PCDH9: variants seen among roughly 807,000 people sequenced by gnomAD.
PCDH9 encodes protocadherin 9, also known as protocadherin-9.
A neutral mutation model predicts 70.6 loss-of-function variants in PCDH9; 24 were observed. The observed-to-expected ratio is 0.34, with a 90% confidence interval of 0.25 to 0.48. PCDH9 has a LOEUF of 0.48. Ranked by LOEUF, PCDH9 falls within the 20% of genes least tolerant of loss-of-function variation. PCDH9 has a pLI of 0.99. For synonymous variants in PCDH9, 562 were observed against 558.5 expected, an observed-to-expected ratio of 1.01 and a Z score of -0.09; for missense variants, 1,281 against 1,503.6, an observed-to-expected ratio of 0.85 and a Z score of 2.45.
intron 3 of PCDH9, among the ~76,000 whole-genome samples, chr13:66,816,210 T>C (rs970506799): frequency 4.6e-5 from 7 of 152,232 alleles, no homozygotes; most frequent in African/African-American, 1.4e-4. Flanking sequence ...AGAAATTAAC[T>C]ATTCCAAATA....
intron 4 of PCDH9, among the ~76,000 whole-genome samples, chr13:66,426,091 T>C (rs1463560978): frequency 6.6e-6 from 1 of 151,674 alleles, no homozygotes; most frequent in Admixed American, 6.6e-5. Flanking sequence ...GGTAGGAGTA[T>C]AGTTTCTTCA....
chr13:66,466,937 A>G (rs1333353845), intron 4 of PCDH9, among the ~76,000 whole-genome samples: 1 of 152,084 alleles, frequency 6.6e-6, no homozygotes, highest in Non-Finnish European at 1.5e-5. Flanking sequence ...TGCTGTTGAG[A>G]TGACTTAAGA....
chr13:67,090,876 T>C (rs1262015596), intron 2 of PCDH9, among the ~76,000 whole-genome samples: 1 of 152,070 alleles, frequency 6.6e-6, no homozygotes, highest in African/African-American at 2.4e-5. Context: ...ACAGTTTAAA[T>C]GACTTCATCT....
At chr13:66,779,849 C>CTCTCTCTCTATATA (rs1395244975) in intron 3 of PCDH9, among the ~76,000 whole-genome samples, 29 of 78,900 alleles carry the variant, frequency 3.7e-4, no homozygotes, top group African/African-American at 1.4e-3. Flanking sequence ...CTCTCTCTCT[C>CTCTCTCTCTATATA]TATATATATA....
chr13:67,060,660 G>A (rs927586578), intron 2 of PCDH9, among the ~76,000 whole-genome samples: 2 of 151,790 alleles, frequency 1.3e-5, no homozygotes, highest in Non-Finnish European at 2.9e-5. Flanking sequence ...CAGCTTTTTA[G>A]CTTTCATTTC....
At chr13:66,626,102 G>A (rs938999416) in intron 4 of PCDH9, among the ~76,000 whole-genome samples, 1 of 152,122 alleles carries the variant, frequency 6.6e-6, no homozygotes, top group African/African-American at 2.4e-5. Context: ...GAAAATAGAG[G>A]AGTTGTGCTT....
Position 67,140,025 on chromosome 13 carries a change from A to ACC in PCDH9, c.3036+85378_3036+85379dup, listed in dbSNP as rs34514187. ...CTACTGAAAATGTGATTTTTTGATC[A>ACC]CCCCCCCCCCCCCGCCCATTGTGTT... On this transcript the variant is annotated intron_variant, in intron 2 of 4. Coordinates refer to ENST00000377865, the MANE Select transcript of PCDH9 (RefSeq NM_203487.3). Among the ~76,000 whole-genome samples, 471 of 65,920 alleles carry ACC rather than the reference A, an allele frequency of 7.1e-3. 16 individuals carry two copies. Among genetic ancestry groups the ACC allele is most frequent in the South Asian group, 0.013 (15 of 1,192 alleles). 43.2% of individuals were successfully genotyped at this position (65,920 alleles called of 152,430 possible). A position where few individuals can be genotyped will look rare whatever the true frequency, so the allele number is the denominator to read the frequency against.
chr13:67,042,394 G>T (rs1212120638), intron 2 of PCDH9, among the ~76,000 whole-genome samples: 2 of 152,152 alleles, frequency 1.3e-5, no homozygotes, highest in African/African-American at 4.8e-5. Flanking sequence ...GCAGGAAGGA[G>T]AAGTGCCGAG....
chr13:67,227,260 T>C lies in PCDH9; in HGVS notation c.1181A>G (p.Asp394Gly). 6 of 1,613,522 alleles carry C rather than the reference T, an allele frequency of 3.7e-6. No homozygotes were observed. The highest frequency in any genetic ancestry group is 3.3e-4 in the Middle Eastern group (2 of 6,062). ...ALITVSDKDT[D>G]VNGKVICFIE... is the part of the protein sequence containing the mutation. ...AAAACAGATCACTTTGCCATTCACA[T>C]CTGTGTCCTTATCTGAAACTGTAAT... is the stretch of plus-strand genomic sequence containing the variant. Residue 394 changes from aspartate to glycine, a missense_variant, in exon 2 of 5, where the codon GAT becomes GGT. Transcript: ENST00000377865. The surrounding 1 kb of genome is among the most constrained non-coding windows in gnomAD (Gnocchi z 4.6).
chr13:66,422,840 C>T (rs554279152), intron 4 of PCDH9, among the ~76,000 whole-genome samples: 1 of 151,892 alleles, frequency 6.6e-6, no homozygotes, highest in South Asian at 2.1e-4. Context: ...ACACGAAAAA[C>T]CCTTAAAAAA....
chr13:66,733,949 TC>T (rs2079110178), intron 3 of PCDH9, among the ~76,000 whole-genome samples: 1 of 152,092 alleles, frequency 6.6e-6, no homozygotes. Context: ...CCCGGAGAGG[TC>T]TGGCCTTTTC....
At chr13:67,087,367 ATCT>A (rs998134708) in intron 2 of PCDH9, among the ~76,000 whole-genome samples, 1 of 152,104 alleles carries the variant, frequency 6.6e-6, no homozygotes, top group Non-Finnish European at 1.5e-5. Flanking sequence ...ACAAGAATAA[ATCT>A]TCTTAGTACC....
intron 4 of PCDH9, among the ~76,000 whole-genome samples, chr13:66,446,824 C>A (rs968004246): frequency 6.6e-6 from 1 of 151,998 alleles, no homozygotes; most frequent in African/African-American, 2.4e-5. Flanking sequence ...TTTATTCTAA[C>A]GTCCAGTCAT....
chr13:66,320,710 C>G (rs1437399997), intron 4 of PCDH9, among the ~76,000 whole-genome samples: 2 of 151,854 alleles, frequency 1.3e-5, no homozygotes, highest in Non-Finnish European at 2.9e-5. Context: ...TATGTATCTA[C>G]CTATTTATTC....
At chr13:66,528,917 A>G (rs1960324617) in intron 4 of PCDH9, among the ~76,000 whole-genome samples, 1 of 152,092 alleles carries the variant, frequency 6.6e-6, no homozygotes, top group Non-Finnish European at 1.5e-5. Context: ...TCATTACTCA[A>G]TTAATTATCA....
chr13:66,654,662 A>G (rs746043114), intron 3 of PCDH9, among the ~76,000 whole-genome samples: 24 of 152,148 alleles, frequency 1.6e-4, no homozygotes, highest in African/African-American at 4.8e-4. Flanking sequence ...GAGTTGACAT[A>G]TAGAAAAAAA....
intron 4 of PCDH9, among the ~76,000 whole-genome samples, chr13:66,607,989 T>TA (rs536331983): frequency 1.3e-5 from 2 of 152,214 alleles, no homozygotes; most frequent in East Asian, 3.9e-4. Context: ...AGCAACTGAG[T>TA]AAAAATTTTC....
chr13:66,934,929 C>T (rs1436745148), intron 2 of PCDH9, among the ~76,000 whole-genome samples: 1 of 150,514 alleles, frequency 6.6e-6, no homozygotes, highest in Non-Finnish European at 1.5e-5. Flanking sequence ...ACCGTGTTAG[C>T]CAGGATGGTC....
intron 4 of PCDH9, among the ~76,000 whole-genome samples, chr13:66,550,309 T>C (rs1183010452): frequency 6.6e-6 from 1 of 152,058 alleles, no homozygotes; most frequent in Admixed American, 6.6e-5. Context: ...TTAGTATTTA[T>C]ATCAAAAATT....
Sources: allele counts gnomAD v4.1 joint callset (sites outside exome capture counted in the v4.1 genomes callset), GRCh38; gene constraint gnomAD v4.1.1; non-coding constraint Gnocchi (gnomAD v3.1); transcripts MANE v1.5; gene names NCBI Gene and HGNC (gene_info 2026-07-23, HGNC 2026-07-21).